The following NBPF20 variants were observed in gnomAD, a reference collection of about 807,000 sequenced individuals.
The protein encoded by NBPF20 is NBPF family member NBPF20.
A neutral mutation model predicts 68.1 loss-of-function variants in NBPF20; 90 were observed. The observed-to-expected ratio is 1.32, with a 90% CI of 1.11 to 1.58. The LOEUF is 1.58. NBPF20 is among the 40% of genes most tolerant of loss of function. NBPF20 has a pLI of 0.00. For synonymous variants in NBPF20, 290 were observed against 228.1 expected (o/e 1.27, Z -2.45); for missense variants, 816 against 601.2 (o/e 1.36, Z -3.74).
intron 2 of NBPF20, among the ~76,000 whole-genome samples, chr1:145,404,539 G>GCCCGCCTC (rs1662679641): frequency 6.6e-6 from 1 of 152,118 alleles, no homozygotes; most frequent in Admixed American, 6.6e-5. Flanking sequence ...TTACAGGAGT[G>GCCCGCCTC]AGCCACGTTG....
the NBPF20 span, among the ~76,000 whole-genome samples, chr1:145,422,687 C>T: frequency 3.4e-3 from 518 of 152,038 alleles, no homozygotes; most frequent in African/African-American, 9.3e-3. Context: ...GACACATCCA[C>T]GTAGTAAAAA....
upstream of NBPF20, among the ~76,000 whole-genome samples, chr1:145,410,523 C>T (rs1163539561): frequency 6.6e-5 from 10 of 150,612 alleles, 1 homozygote; most frequent in African/African-American, 2.2e-4. Flanking sequence ...CCGTTTTAGC[C>T]GGGATGGTCT....
upstream of NBPF20, among the ~76,000 whole-genome samples, chr1:145,406,135 CTG>C (rs1662773102): frequency 1.4e-5 from 2 of 140,620 alleles, no homozygotes; most frequent in South Asian, 4.6e-4. Flanking sequence ...CGGGGTTTCA[CTG>C]TGTTAGCCAC....
At chr1:145,291,511 C>G in exon 138 of NBPF20, 7 of 1,612,008 alleles carry the variant, frequency 4.3e-6, no homozygotes, top group Non-Finnish European at 4.2e-6. Flanking sequence ...CATCTCTCGG[C>G]TTAGTAAGGG....
At chr1:145,400,361 T>C in intron 6 of NBPF20, 28 bp downstream of exon 11, 1 of 1,611,944 alleles carries the variant, frequency 6.2e-7, no homozygotes, top group Non-Finnish European at 8.5e-7. Context: ...TAGAGAGAGG[T>C]ATGAGACACA....
intron 9 of NBPF20, 93 bp from the exon 15 acceptor site, chr1:145,393,339 T>C: frequency 2.9e-6 from 2 of 695,008 alleles, no homozygotes; most frequent in Non-Finnish European, 5.3e-6. Flanking sequence ...AGGAAGAGTT[T>C]GAAAAGAAAA....
At position 145,402,387 on chromosome 1, in the gene NBPF20, G is replaced by T; in HGVS notation, c.279-6C>A. ...GAACCAGGACTTTATATTGCCTAAG[G>T]TGAGACGGTAGAGAAAATTTAAGAG... On this transcript the variant is annotated splice_region_variant and splice_polypyrimidine_tract_variant and intron_variant, in intron 3 of 137. Coordinates refer to ENST00000369373, the Ensembl canonical transcript of NBPF20. The T allele has an allele frequency of 3.1e-6, 5 of 1,602,824 alleles. No homozygotes were observed. The highest frequency in any genetic ancestry group is 1.7e-5 in the Admixed American group (1 of 59,984).
At position 145,372,460 on chromosome 1, in the gene NBPF20, C is replaced by T. The variant is rs1449358018; in HGVS notation, c.4369+52G>A. The T allele has an allele frequency of 9.0e-5, 34 of 377,236 alleles. 6 individuals carry two copies. The highest frequency in any genetic ancestry group is 1.3e-4 in the Non-Finnish European group (30 of 223,986). 23.4% of individuals were successfully genotyped at this position (377,236 alleles called of 1,614,324 possible). A position where few individuals can be genotyped will look rare whatever the true frequency, so the allele number is the denominator to read the frequency against. On this transcript the variant is annotated intron_variant, in intron 36 of 137. Transcript: ENST00000369373. ...GGCCACTTGGAACAGGAATATCACC[C>T]CTATCTGGAAGACCAGGTGGAGGCT...
chr1:145,307,252 T>C (rs1442091652), intron 118 of NBPF20, among the ~76,000 whole-genome samples: 3 of 19,104 alleles, frequency 1.6e-4, no homozygotes, highest in Non-Finnish European at 2.4e-4. Context: ...GGGCTCAGCT[T>C]GCCACAGGCA....
chr1:145,404,648 C>T (rs868972039), intron 2 of NBPF20, among the ~76,000 whole-genome samples: 2 of 152,282 alleles, frequency 1.3e-5, no homozygotes, highest in South Asian at 4.1e-4. Context: ...CAGGTACTGG[C>T]TACTATCACC....
the NBPF20 span, among the ~76,000 whole-genome samples, chr1:145,412,478 T>A: frequency 6.6e-6 from 1 of 152,102 alleles, no homozygotes; most frequent in Non-Finnish European, 1.5e-5. Flanking sequence ...ATAAACTGTA[T>A]CATCTTAAAA....
At chr1:145,366,597 C>G (rs1231542089) in intron 43 of NBPF20, among the ~76,000 whole-genome samples, 13 of 96,806 alleles carry the variant, frequency 1.3e-4, no homozygotes, top group African/African-American at 4.8e-4. Flanking sequence ...CACAGACACA[C>G]ACACACACAC....
chr1:145,393,514 A>T (rs1662038215), intron 9 of NBPF20, among the ~76,000 whole-genome samples: 1 of 151,408 alleles, frequency 6.6e-6, no homozygotes, highest in African/African-American at 2.4e-5. Context: ...TGAATTGGTC[A>T]GGTGACACAC....
exon 138 of NBPF20, chr1:145,291,392 A>G: frequency 1.9e-6 from 3 of 1,580,180 alleles, no homozygotes; most frequent in Admixed American, 3.5e-5. Flanking sequence ...ATGGTTTGAG[A>G]ATAGGAATAC....
rs1228479397 is a variant in NBPF20, at chr1:145,395,802, A to C, written c.828-661T>G. Among the ~76,000 whole-genome samples, 27 of 148,510 alleles carry C rather than the reference A, an allele frequency of 1.8e-4. 1 individual carries two copies. The highest frequency in any genetic ancestry group is 5.3e-5 in the African/African-American group (2 of 38,004). ...AAACTAACACACAGAAAGGAATAAC[A>C]TCAACATCAACAAAAAAGACATCCA... On this transcript the variant is annotated intron_variant, in intron 7 of 137. Coordinates refer to ENST00000369373, the Ensembl canonical transcript of NBPF20.
rs1661860754 is a variant in NBPF20 at position 145,378,037 on chromosome 1, A to T, written c.3464+6T>A. 1.2e-5 allele frequency: 5 copies of T among 425,328 alleles called. No homozygotes were observed. Among genetic ancestry groups the T allele is most frequent in the Non-Finnish European group, 2.0e-5 (5 of 246,448 alleles). The allele number at this position is 425,328 out of a possible 1,614,324, so 26.3% of individuals were successfully genotyped here. A position where few individuals can be genotyped will look rare whatever the true frequency, so the allele number is the denominator to read the frequency against. On this transcript the variant is annotated splice_donor_region_variant and intron_variant, in intron 29 of 137. Transcript: ENST00000369373. The stretch of plus-strand genomic sequence containing the variant: ...GAATTAAGCATCCATAATTGCTCAA[A>T]GTTACCTGGGGCATGATGGGTCTTG...
upstream of NBPF20, among the ~76,000 whole-genome samples, chr1:145,410,486 T>A (rs1662963725): frequency 1.3e-5 from 2 of 150,950 alleles, no homozygotes; most frequent in East Asian, 1.9e-4. Context: ...GGCTATTTTT[T>A]GTAGTTTTAG....
At chr1:145,407,391 C>A (rs1240393370), upstream of NBPF20, among the ~76,000 whole-genome samples, 3 of 141,176 alleles carry the variant, frequency 2.1e-5, no homozygotes, top group African/African-American at 5.4e-5. Flanking sequence ...TATATATACA[C>A]GTGTATATAT....
chr1:145,425,447 G>A, the NBPF20 span, among the ~76,000 whole-genome samples: 15 of 152,310 alleles, frequency 9.8e-5, no homozygotes, highest in South Asian at 2.1e-3. Flanking sequence ...GGCGCCACAG[G>A]TCGCCCGTCC....
Sources: allele counts gnomAD v4.1 joint callset (sites outside exome capture counted in the v4.1 genomes callset), GRCh38; gene constraint gnomAD v4.1.1; transcripts MANE v1.5; gene names NCBI Gene and HGNC (gene_info 2026-07-23, HGNC 2026-07-21).